ZNF654: variants seen among roughly 807,000 people sequenced by gnomAD.
The protein encoded by ZNF654 is zinc finger protein 654.
Under a neutral mutation model 95.3 loss-of-function variants are expected in ZNF654, and 19 were observed. The observed-to-expected ratio is 0.20, with a 90% CI of 0.14 to 0.29. The LOEUF is 0.29. ZNF654 is among the 10% of genes least tolerant of loss of function. The pLI, the probability that ZNF654 is intolerant of heterozygous loss-of-function variation, is 1.00. For synonymous variants in ZNF654, 413 were observed against 457.9 expected (o/e 0.90, Z 1.25); for missense variants, 1,046 against 1,341.0 (o/e 0.78, Z 3.44).
chr3:88,098,878 C>T (rs1704227780), intron 2 of ZNF654, among the ~76,000 whole-genome samples: 1 of 152,200 alleles, frequency 6.6e-6, no homozygotes. Context: ...CAGCCAGTAT[C>T]ATACTGAATG....
intron 2 of ZNF654, among the ~76,000 whole-genome samples, chr3:88,109,142 AGTGTGTGTGTGTGT>A (rs35595112): frequency 2.3e-4 from 33 of 142,528 alleles, no homozygotes; most frequent in Non-Finnish European, 2.8e-4. Context: ...AGTGGGCACT[AGTGTGTGTGTGTGT>A]GTGTGTGTGT....
At chr3:88,138,344 CAAA>C (rs1051416640) in intron 7 of ZNF654, among the ~76,000 whole-genome samples, 14 of 152,088 alleles carry the variant, frequency 9.2e-5, no homozygotes, top group African/African-American at 3.4e-4. Flanking sequence ...ACCCTTCTCT[CAAA>C]GAATATGAGA....
chr3:88,070,082 T>C (rs1365238529), intron 1 of ZNF654, among the ~76,000 whole-genome samples: 1 of 152,214 alleles, frequency 6.6e-6, no homozygotes, highest in African/African-American at 2.4e-5. Flanking sequence ...AAGATCTCTT[T>C]TTCAGCTGAT....
In ZNF654 at chr3:88,139,988, C is replaced by T. The variant is rs750447030; in HGVS notation, c.2319C>T (p.Thr773=). The part of the protein sequence containing the change: ...LNKHAMTVHP[T]DLNVRQTVMK... ...AACATGCAATGACCGTACATCCAAC[C>T]GATTTAAATGTGCGACAAACAGTAA... The change falls in exon 8 of 9, where the codon ACC becomes ACT. Residue 773 remains threonine (T), a synonymous_variant. Transcript: ENST00000636215. 21 of 1,613,522 alleles carry T rather than the reference C, an allele frequency of 1.3e-5. No homozygotes were observed. The highest frequency in any genetic ancestry group is 2.2e-5 in the East Asian group (1 of 44,888).
intron 1 of ZNF654, among the ~76,000 whole-genome samples, chr3:88,060,842 G>A (rs1422744202): frequency 2.0e-5 from 3 of 151,788 alleles, no homozygotes; most frequent in East Asian, 1.9e-4. Flanking sequence ...TCCCTTACAA[G>A]CATTGAAAGA....
chr3:88,091,412 A>G (rs1271254591), intron 2 of ZNF654, among the ~76,000 whole-genome samples: 1 of 152,230 alleles, frequency 6.6e-6, no homozygotes, highest in East Asian at 1.9e-4. Flanking sequence ...ATTAAAATAA[A>G]TTATTCGTAA....
intron 1 of ZNF654, among the ~76,000 whole-genome samples, chr3:88,061,792 TATA>T (rs1706900204): frequency 6.6e-6 from 1 of 152,232 alleles, no homozygotes; most frequent in Non-Finnish European, 1.5e-5. Context: ...TAATATTAAG[TATA>T]ATAATTTGTT....
At chr3:88,099,394 A>G (rs1470446377) in intron 2 of ZNF654, among the ~76,000 whole-genome samples, 2 of 152,224 alleles carry the variant, frequency 1.3e-5, no homozygotes, top group African/African-American at 4.8e-5. Flanking sequence ...GAAAACGGCC[A>G]TACTGCCCAA....
At chr3:88,100,484 G>A (rs183394710) in intron 2 of ZNF654, among the ~76,000 whole-genome samples, 3 of 152,114 alleles carry the variant, frequency 2.0e-5, no homozygotes, top group South Asian at 4.1e-4. Context: ...TATATACCCA[G>A]AGGATTATAA....
chr3:88,092,802 G>T (rs1406234630), intron 2 of ZNF654, among the ~76,000 whole-genome samples: 1 of 152,054 alleles, frequency 6.6e-6, no homozygotes, highest in Non-Finnish European at 1.5e-5. Flanking sequence ...GTATTGTCTG[G>T]TATATATGTC....
chr3:88,104,965 C>T (rs1473095121), intron 2 of ZNF654, among the ~76,000 whole-genome samples: 1 of 152,158 alleles, frequency 6.6e-6, no homozygotes, highest in Non-Finnish European at 1.5e-5. Flanking sequence ...ATAGTGAAAC[C>T]CTGTCTCTAC....
At chr3:88,096,468 T>G (rs1417763656) in intron 2 of ZNF654, among the ~76,000 whole-genome samples, 1 of 152,142 alleles carries the variant, frequency 6.6e-6, no homozygotes, top group Non-Finnish European at 1.5e-5. Context: ...TCCTGACTTC[T>G]GACTTCTGCC....
chr3:88,065,951 T>C (rs1350833722), intron 1 of ZNF654, among the ~76,000 whole-genome samples: 1 of 152,162 alleles, frequency 6.6e-6, no homozygotes, highest in African/African-American at 2.4e-5. Flanking sequence ...TGCAGGCTGG[T>C]CTTAACTCCT....
At chr3:88,065,396 T>C (rs997664887) in intron 1 of ZNF654, among the ~76,000 whole-genome samples, 17 of 152,264 alleles carry the variant, frequency 1.1e-4, no homozygotes, top group African/African-American at 3.4e-4. Context: ...CCTAAATGAC[T>C]ATTATTAGGG....
At chr3:88,097,609 G>C (rs1704138763) in intron 2 of ZNF654, among the ~76,000 whole-genome samples, 1 of 152,068 alleles carries the variant, frequency 6.6e-6, no homozygotes, top group Non-Finnish European at 1.5e-5. Flanking sequence ...AAATGTAAAA[G>C]AACAGAAATC....
rs78670676 is a variant in ZNF654, at chr3:88,083,941, T to TTATATATATATATATATATATA, written c.187-2311_187-2290dup. ...AATAGGACAATGTAATGTACTTATT[T>TTATATATATATATATATATATA]TATATATATATATATATATATATAT... On this transcript the variant is annotated intron_variant, in intron 1 of 8. Coordinates refer to ENST00000636215, the MANE Select transcript of ZNF654 (RefSeq NM_001350134.2). Among the ~76,000 whole-genome samples the TTATATATATATATATATATATA allele has an allele frequency of 4.2e-3, 627 of 147,550 alleles. 5 individuals carry two copies. The highest frequency in any genetic ancestry group is 6.7e-3 in the Non-Finnish European group (449 of 66,536).
chr3:88,071,954 G>T (rs915815956), intron 1 of ZNF654, among the ~76,000 whole-genome samples: 1 of 152,182 alleles, frequency 6.6e-6, no homozygotes, highest in African/African-American at 2.4e-5. Context: ...CTCATAAAAT[G>T]CTGTATTTTT....
In ZNF654 at chr3:88,139,942, A is replaced by G. The variant is rs2107892690; in HGVS notation, c.2273A>G (p.Lys758Arg). ...CPALGCVRIF[K>R]RIGFLNKHAM... is the part of the protein sequence containing the mutation. ...GCTCTTGGTTGTGTCCGGATATTTA[A>G]AAGAATTGGGTTTCTAAATAAACAT... The change falls in exon 8 of 9, where the codon AAA becomes AGA. Residue 758 changes from lysine to arginine, a missense_variant. Lys to Arg is a conservative substitution (Grantham distance 26). Transcript: ENST00000636215. The G allele has an allele frequency of 6.2e-7, 1 of 1,613,752 alleles. No homozygotes were observed. The highest frequency in any genetic ancestry group is 8.5e-7 in the Non-Finnish European group (1 of 1,179,794).
chr3:88,105,897 G>T (rs562157728), intron 2 of ZNF654, among the ~76,000 whole-genome samples: 3 of 152,244 alleles, frequency 2.0e-5, no homozygotes, highest in Middle Eastern at 3.4e-3. Flanking sequence ...AGGCCATGAG[G>T]GCCTGCCCTC....
Sources: allele counts gnomAD v4.1 joint callset (sites outside exome capture counted in the v4.1 genomes callset), GRCh38; gene constraint gnomAD v4.1.1; transcripts MANE v1.5; gene names NCBI Gene and HGNC (gene_info 2026-07-23, HGNC 2026-07-21).